Variants in ERC1 observed in about 807,000 individuals in gnomAD.
ERC1 encodes the protein ELKS/RAB6-interacting/CAST family member 1, also known as RAB6 interacting protein 2.
ERC1 carries 56 observed loss-of-function variants against 132.0 expected under a neutral mutation model. The ratio of observed to expected loss-of-function variants is 0.42; its 90% CI spans 0.34 to 0.53. ERC1 has a LOEUF of 0.53. Among genes scored for constraint, ERC1 ranks in the 20% least tolerant of loss-of-function variants. The probability of loss-of-function intolerance (pLI) is 0.03; values close to 1 mark genes in which losing one functional copy is unlikely to be tolerated. For synonymous variants in ERC1, 478 were observed against 476.1 expected (o/e 1.00, Z -0.05); for missense variants, 1,202 against 1,349.9 (o/e 0.89, Z 1.72).
intron 15 of ERC1, among the ~76,000 whole-genome samples, chr12:1,343,937 G>A (rs765937657): frequency 7.9e-5 from 12 of 152,004 alleles, no homozygotes; most frequent in Non-Finnish European, 1.5e-4. Flanking sequence ...CGCCTTTCAG[G>A]TTCACACCAT....
At chr12:1,359,620 C>T (rs1482643029) in intron 15 of ERC1, among the ~76,000 whole-genome samples, 10 of 152,166 alleles carry the variant, frequency 6.6e-5, no homozygotes, top group Non-Finnish European at 2.9e-5. Context: ...GGCATTAATC[C>T]ATTCATGAAG....
rs1454377816 is a variant in ERC1 at position 1,121,771 on chromosome 12, C to G, written c.1569+5738C>G. On this transcript the variant is annotated intron_variant, in intron 7 of 18. Coordinates refer to ENST00000360905, the MANE Select transcript of ERC1 (RefSeq NM_178040.4). ...TCTCTATCTCTATCTCTATCTATCT[C>G]TATCTCTATCTATCTCTATCTCTAT... Among the ~76,000 whole-genome samples the G allele has an allele frequency of 1.2e-3, 9 of 7,696 alleles. 1 individual carries two copies. Among genetic ancestry groups the G allele is most frequent in the African/African-American group, 1.5e-3 (8 of 5,252 alleles). The allele number at this position is 7,696 out of a possible 152,430, so 5.0% of individuals were successfully genotyped here. A position where few individuals can be genotyped will look rare whatever the true frequency, so the allele number is the denominator to read the frequency against.
At chr12:1,303,017 G>A (rs73031291) in intron 15 of ERC1, among the ~76,000 whole-genome samples, 5,290 of 152,182 alleles carry the variant, frequency 0.035, 102 homozygotes, top group Middle Eastern at 0.075. Context: ...GTGCAGTAGC[G>A]TTGTGTCTTA....
intron 18 of ERC1, among the ~76,000 whole-genome samples, chr12:1,472,697 A>G (rs80255355): frequency 1.3e-5 from 2 of 151,790 alleles, no homozygotes; most frequent in Non-Finnish European, 2.9e-5. Flanking sequence ...GGAGAAAGAA[A>G]AGGAAAAAAG....
intron 17 of ERC1, among the ~76,000 whole-genome samples, chr12:1,432,543 G>A (rs556957830): frequency 6.6e-6 from 1 of 152,220 alleles, no homozygotes; most frequent in Non-Finnish European, 1.5e-5. Context: ...ATCTTCACAA[G>A]GATGGGCATA....
At chr12:1,489,503 G>A (rs535379436) in intron 18 of ERC1, among the ~76,000 whole-genome samples, 163 of 152,300 alleles carry the variant, frequency 1.1e-3, no homozygotes, top group African/African-American at 3.4e-3. Flanking sequence ...ACAGAGTAGC[G>A]CTCAATAAAG....
intron 8 of ERC1, among the ~76,000 whole-genome samples, chr12:1,171,944 G>T (rs902173886): frequency 6.6e-6 from 1 of 152,190 alleles, no homozygotes; most frequent in Non-Finnish European, 1.5e-5. Context: ...GAATTAGTAT[G>T]CAGATTTGAT....
At chr12:1,034,039 A>G (rs2154154123) in intron 2 of ERC1, among the ~76,000 whole-genome samples, 1 of 152,168 alleles carries the variant, frequency 6.6e-6, no homozygotes, top group Non-Finnish European at 1.5e-5. Flanking sequence ...GGTCTTGGAA[A>G]CTGTATCTGT....
intron 3 of ERC1, among the ~76,000 whole-genome samples, chr12:1,092,891 G>A (rs1943431856): frequency 6.6e-6 from 1 of 152,170 alleles, no homozygotes; most frequent in Non-Finnish European, 1.5e-5. Context: ...AACCCAGGAG[G>A]CGGAGGTTGC....
intron 1 of ERC1, among the ~76,000 whole-genome samples, chr12:1,024,541 C>A (rs1286287183): frequency 1.3e-5 from 2 of 152,038 alleles, no homozygotes; most frequent in Non-Finnish European, 1.5e-5. Context: ...TCATTTTTGA[C>A]AATATGATTT....
chr12:1,466,336 GTCATACTGGA>G (rs369136771), intron 18 of ERC1, among the ~76,000 whole-genome samples: 1 of 152,102 alleles, frequency 6.6e-6, no homozygotes, highest in African/African-American at 2.4e-5. Flanking sequence ...AAAGATACCA[GTCATACTGGA>G]TTTGGAACCA....
Position 1,028,350 on chromosome 12 carries a change from C to T in ERC1, c.447C>T (p.Asn149=). ...ACTCCCTTCGTCAGGCGAGAGATAA[C>T]ACAATCATGGATCTGCAGACACAGC... ...VPHSLRQARD[N]TIMDLQTQLK... Residue 149 remains asparagine (N), a synonymous_variant, in exon 2 of 19, where the codon AAC becomes AAT. Transcript: ENST00000360905. The T allele has an allele frequency of 6.2e-7, 1 of 1,614,134 alleles. No individual in the cohort carries two copies. Among genetic ancestry groups the T allele is most frequent in the Non-Finnish European group, 8.5e-7 (1 of 1,180,016 alleles).
chr12:1,163,074 T>G (rs1483926077), intron 8 of ERC1, among the ~76,000 whole-genome samples: 1 of 152,212 alleles, frequency 6.6e-6, no homozygotes, highest in Non-Finnish European at 1.5e-5. Flanking sequence ...CTGTGTAAAT[T>G]TATTTGCTTC....
At chr12:1,154,372 C>T (rs950641170) in intron 8 of ERC1, among the ~76,000 whole-genome samples, 1 of 151,112 alleles carries the variant, frequency 6.6e-6, no homozygotes, top group Non-Finnish European at 1.5e-5. Flanking sequence ...CACACACACA[C>T]ACACACACAC....
chr12:1,363,567 T>C (rs940408290), intron 15 of ERC1, among the ~76,000 whole-genome samples: 36 of 116,224 alleles, frequency 3.1e-4, no homozygotes, highest in South Asian at 1.0e-3. Context: ...TTTTTTTTTT[T>C]CTAGAGACAG....
intron 14 of ERC1, 31 bp from the exon 15 acceptor site, chr12:1,289,821 T>C: frequency 1.9e-6 from 3 of 1,598,690 alleles, no homozygotes; most frequent in Non-Finnish European, 2.6e-6. Context: ...ATCAAGACAC[T>C]CTGTTGTTCT....
chr12:1,220,944 A>G (rs944365851), intron 12 of ERC1, among the ~76,000 whole-genome samples: 1 of 152,222 alleles, frequency 6.6e-6, no homozygotes, highest in East Asian at 1.9e-4. Flanking sequence ...CTTCCTTCAC[A>G]TCTTTGCTTA....
chr12:1,190,413 A>G (rs919588333), intron 12 of ERC1, among the ~76,000 whole-genome samples: 2 of 152,212 alleles, frequency 1.3e-5, no homozygotes, highest in East Asian at 1.9e-4. Context: ...AAAGGAGTTA[A>G]TCTTTTATCA....
intron 18 of ERC1, among the ~76,000 whole-genome samples, chr12:1,481,162 T>C (rs2094083546): frequency 6.6e-6 from 1 of 152,250 alleles, no homozygotes; most frequent in African/African-American, 2.4e-5. Context: ...CCATTTAATA[T>C]TTCCAGATCG....
Sources: allele counts gnomAD v4.1 joint callset (sites outside exome capture counted in the v4.1 genomes callset), GRCh38; gene constraint gnomAD v4.1.1; transcripts MANE v1.5; gene names NCBI Gene and HGNC (gene_info 2026-07-23, HGNC 2026-07-21).